Variants in SUFU observed in about 807,000 individuals in gnomAD.
SUFU encodes the protein suppressor of fused homolog.
SUFU carries 7 observed loss-of-function variants against 58.9 expected under a neutral mutation model. The ratio of observed to expected loss-of-function variants is 0.12; its 90% CI spans 0.07 to 0.22. The LOEUF (loss-of-function observed/expected upper bound fraction) is 0.22, where lower values mean the gene tolerates loss of function less well. Among genes scored for constraint, SUFU ranks in the 10% least tolerant of loss-of-function variants. The pLI, the probability that SUFU is intolerant of heterozygous loss-of-function variation, is 1.00. For missense variants in SUFU, 451 were observed against 641.3 expected (o/e 0.70, Z 3.20); for synonymous variants, 232 against 254.8 (o/e 0.91, Z 0.85).
At position 102,599,502 on chromosome 10, in the gene SUFU, T is replaced by C; in HGVS notation, c.980T>C (p.Ile327Thr). 1 of 1,614,138 alleles carries C rather than the reference T, an allele frequency of 6.2e-7. No individual in the cohort carries two copies. ...EINSKPVLPP[I>T]NPQRQNGLAH... ...AACAGCAAACCTGTCCTTCCACCAATCAACCCTCAGCGGCAGAATGGCCTC... is the reference window on the plus strand; with the variant it reads ...AACAGCAAACCTGTCCTTCCACCAACCAACCCTCAGCGGCAGAATGGCCTC... Residue 327 changes from isoleucine (I) to threonine (T), a missense_variant, in exon 8 of 12, where the codon ATC (isoleucine) becomes ACC (threonine). By Grantham distance (89) the Ile-to-Thr change is moderately conservative. Transcript: ENST00000369902.
At chr10:102,597,084 A>T (rs2063470367) in intron 6 of SUFU, 56 bp from the exon 7 acceptor site, 2 of 1,610,756 alleles carry the variant, frequency 1.2e-6, no homozygotes, top group South Asian at 2.2e-5. Context: ...AAGGGTGGTC[A>T]CCTTGGGTCA....
chr10:102,608,923 T>A lies in SUFU; in HGVS notation c.1023-6345T>A, dbSNP rs143973641. ...TCTAGAGGCTTCTCTTAAATTAAAA[T>A]TCCATCGAATACCCTTTGGGAAGTC... On this transcript the variant is annotated intron_variant, in intron 8 of 11. Transcript: ENST00000369902. Among the ~76,000 whole-genome samples, 675 of 152,286 alleles carry A rather than the reference T, an allele frequency of 4.4e-3. 2 individuals carry two copies. Among genetic ancestry groups the A allele is most frequent in the Middle Eastern group, 0.027 (8 of 294 alleles).
chr10:102,602,233 C>T (rs1280135033), intron 8 of SUFU, among the ~76,000 whole-genome samples: 1 of 152,160 alleles, frequency 6.6e-6, no homozygotes, highest in Non-Finnish European at 1.5e-5. Context: ...TAATAAGTAT[C>T]TTTTCCAAGG....
At chr10:102,587,380 C>T (rs1177427925) in intron 3 of SUFU, among the ~76,000 whole-genome samples, 2 of 152,176 alleles carry the variant, frequency 1.3e-5, no homozygotes, top group Non-Finnish European at 1.5e-5. Context: ...CACTTATTTT[C>T]TGTTTTCTTT....
intron 3 of SUFU, among the ~76,000 whole-genome samples, chr10:102,556,221 T>G (rs188615464): frequency 8.2e-6 from 1 of 122,448 alleles, no homozygotes; most frequent in East Asian, 5.7e-4. Context: ...TGAGGCAGCC[T>G]TGGAAGCCTG....
rs4244353 is a variant in SUFU, at chr10:102,625,627, A to G, written c.1297-1548A>G. ...CAGACATGATCAGGATATGGTCTTA[A>G]CCACTCACAAGCCGTGTGACACTGA... On this transcript the variant is annotated intron_variant, in intron 10 of 11. Transcript: ENST00000369902. This position sits in a 1 kb window ranked among gnomAD's most constrained non-coding sequence, Gnocchi z 4.7. 1 allele frequency among the ~76,000 whole-genome samples: 152,038 copies of G among 152,294 alleles called. 75,892 individuals are homozygous for G. The highest frequency in any genetic ancestry group is 1 in the East Asian group (5,176 of 5,176).
At chr10:102,623,328 G>A (rs142134167) in intron 10 of SUFU, among the ~76,000 whole-genome samples, 53 of 152,332 alleles carry the variant, frequency 3.5e-4, no homozygotes, top group African/African-American at 1.1e-3. Context: ...TTGCCCCACC[G>A]TCCCCACTTG....
At chr10:102,568,206 A>G (rs1224160306) in intron 3 of SUFU, among the ~76,000 whole-genome samples, 1 of 137,822 alleles carries the variant, frequency 7.3e-6, no homozygotes, top group Non-Finnish European at 1.6e-5. Context: ...TTTCATTTTT[A>G]CTTAAAAAAA....
intron 3 of SUFU, among the ~76,000 whole-genome samples, chr10:102,550,895 C>T (rs1438050278): frequency 6.6e-6 from 1 of 152,088 alleles, no homozygotes; most frequent in Non-Finnish European, 1.5e-5. Context: ...GAATGCGCCA[C>T]CACACCCAGC....
intron 2 of SUFU, among the ~76,000 whole-genome samples, chr10:102,511,562 T>C (rs2062401328): frequency 6.6e-6 from 1 of 152,222 alleles, no homozygotes; most frequent in South Asian, 2.1e-4. Context: ...TTGTGTTAAA[T>C]GCTTTACAAT....
intron 2 of SUFU, among the ~76,000 whole-genome samples, chr10:102,518,537 C>CTATCTATCTA (rs1199619029): frequency 6.6e-6 from 1 of 151,454 alleles, no homozygotes; most frequent in Non-Finnish European, 1.5e-5. Context: ...ATCTATCTAT[C>CTATCTATCTA]TATCTATCTA....
chr10:102,552,597 A>T (rs369110711), intron 3 of SUFU, among the ~76,000 whole-genome samples: 1 of 152,246 alleles, frequency 6.6e-6, no homozygotes, highest in Non-Finnish European at 1.5e-5. Context: ...TTTAAGGACA[A>T]TTGGAAAAAT....
At chr10:102,519,298 G>T (rs1035202325) in intron 2 of SUFU, among the ~76,000 whole-genome samples, 5 of 151,960 alleles carry the variant, frequency 3.3e-5, no homozygotes, top group African/African-American at 1.2e-4. Context: ...GCTGAGGCAG[G>T]TGGATCACCT....
Position 102,633,107 on chromosome 10 carries a change from T to C in SUFU, c.*2952T>C, listed in dbSNP as rs2063851375. 4.3e-6 allele frequency: 1 copy of C among 233,460 alleles called. No homozygotes were observed. The highest frequency in any genetic ancestry group is 8.5e-6 in the Non-Finnish European group (1 of 118,080). The allele number at this position is 233,460 out of a possible 1,614,324, so 14.5% of individuals were successfully genotyped here. ...AGCAGGGAGAAAACCTGAAGGTCGG[T>C]GCCCCTATGGGGCTGACCAGTAGAG... On this transcript the variant is annotated 3_prime_UTR_variant, in exon 12 of 12. Transcript: ENST00000369902.
At chr10:102,618,957 TGTG>T in intron 10 of SUFU, 1 of 786,668 alleles carries the variant, frequency 1.3e-6, no homozygotes, top group Non-Finnish European at 2.2e-6. Flanking sequence ...TGTGTGTGTG[TGTG>T]TGTGTGTGTG....
chr10:102,579,209 C>T (rs1385212229), intron 3 of SUFU, among the ~76,000 whole-genome samples: 1 of 152,218 alleles, frequency 6.6e-6, no homozygotes, highest in African/African-American at 2.4e-5. Flanking sequence ...CCCTCCTGAG[C>T]TCTGTGGGCA....
In SUFU at chr10:102,630,398, G is replaced by A. The variant is rs1271989225; in HGVS notation, c.*243G>A. 2 of 562,062 alleles carry A rather than the reference G, an allele frequency of 3.6e-6. No individual in the cohort carries two copies. The highest frequency in any genetic ancestry group is 2.0e-5 in the South Asian group (1 of 50,674). The allele number at this position is 562,062 out of a possible 1,614,324, so 34.8% of individuals were successfully genotyped here. On this transcript the variant is annotated 3_prime_UTR_variant, in exon 12 of 12. Transcript: ENST00000369902. ...TGTGACCCATCAGGCCAGTGAGTGG[G>A]CAAATGCGGACCCTCCCTGCCTGCA...
chr10:102,607,423 G>C (rs1446426154), intron 8 of SUFU, among the ~76,000 whole-genome samples: 1 of 152,176 alleles, frequency 6.6e-6, no homozygotes, highest in Non-Finnish European at 1.5e-5. Context: ...AAGGAAAATA[G>C]AAAATTATGA....
chr10:102,609,474 C>G (rs948645840), intron 8 of SUFU, among the ~76,000 whole-genome samples: 1 of 152,136 alleles, frequency 6.6e-6, no homozygotes, highest in African/African-American at 2.4e-5. Flanking sequence ...AGCTGAAACT[C>G]AAGAACTGAG....
Sources: allele counts gnomAD v4.1 joint callset (sites outside exome capture counted in the v4.1 genomes callset), GRCh38; gene constraint gnomAD v4.1.1; non-coding constraint Gnocchi (gnomAD v3.1); transcripts MANE v1.5; gene names NCBI Gene and HGNC (gene_info 2026-07-23, HGNC 2026-07-21).